Variants in SLC44A3 observed in about 807,000 individuals in gnomAD.
SLC44A3 encodes the protein choline transporter-like protein 3.
In SLC44A3, 74 loss-of-function variants were observed where a neutral mutation model predicts 75.4. The ratio of observed to expected loss-of-function variants is 0.98; its 90% CI spans 0.81 to 1.19. The LOEUF (loss-of-function observed/expected upper bound fraction) is 1.19, where lower values mean the gene tolerates loss of function less well. Among genes scored for constraint, SLC44A3 ranks in the 50% most tolerant of loss-of-function variants. SLC44A3 has a pLI of 0.00. For missense variants in SLC44A3, 700 were observed against 778.6 expected, an observed-to-expected ratio of 0.90 and a Z score of 1.20; for synonymous variants, 310 against 296.9, an observed-to-expected ratio of 1.04 and a Z score of -0.45.
chr1:94,826,843 C>T (rs1661419179), intron 3 of SLC44A3, among the ~76,000 whole-genome samples: 3 of 152,112 alleles, frequency 2.0e-5, no homozygotes, highest in Non-Finnish European at 2.9e-5. Flanking sequence ...GGGCAGCCTA[C>T]GGGGTCTTCC....
At chr1:94,824,387 G>C (rs1012857859) in intron 2 of SLC44A3, 106 bp from the exon 3 acceptor site, 4 of 1,360,854 alleles carry the variant, frequency 2.9e-6, no homozygotes, top group East Asian at 5.0e-5. Flanking sequence ...ATGCTGGAGA[G>C]CTTCACGTTC....
Position 94,878,227 on chromosome 1 carries a change from C to T in SLC44A3, c.1482+10810C>T, listed in dbSNP as rs576373301. 4.6e-5 allele frequency among the ~76,000 whole-genome samples: 7 copies of T among 151,514 alleles called. No homozygotes were observed. In the East Asian group the frequency reaches 9.8e-4, roughly 21 times the overall value. ...TCCAACCTGGGCGACAGCGAGACTC[C>T]GTCTCACAAAAAAACCAAAACAAAC... is the stretch of plus-strand genomic sequence containing the variant. On this transcript the variant is annotated intron_variant, in intron 12 of 14. Transcript: ENST00000271227.
chr1:94,845,254 T>C (rs1263744120), intron 8 of SLC44A3, 24 bp from the exon 9 acceptor site: 2 of 1,567,850 alleles, frequency 1.3e-6, no homozygotes, highest in African/African-American at 2.7e-5. Context: ...TGGAAGTAAT[T>C]TACTCAAATC....
Position 94,858,817 on chromosome 1 carries a change from G to A in SLC44A3, c.1238+1317G>A, listed in dbSNP as rs1277383169. Among the ~76,000 whole-genome samples, 5 of 152,108 alleles carry A rather than the reference G, an allele frequency of 3.3e-5. No individual in the cohort carries two copies. The South Asian group carries it at 8.3e-4, about 25-fold the overall frequency. On this transcript the variant is annotated intron_variant, in intron 10 of 14. Transcript: ENST00000271227. Reference sequence around the variant, plus strand: ...AGTGATTCTCCTGCCTCAGTCTCCCGAGTAGCTGGGACTACAGGCGCCCAC... The same window carrying A: ...AGTGATTCTCCTGCCTCAGTCTCCCAAGTAGCTGGGACTACAGGCGCCCAC...
At chr1:94,860,227 A>C (rs1666412973) in intron 10 of SLC44A3, among the ~76,000 whole-genome samples, 1 of 152,232 alleles carries the variant, frequency 6.6e-6, no homozygotes, top group Admixed American at 6.5e-5. Flanking sequence ...CACCAACAAA[A>C]GAAGGGCATA....
chr1:94,824,388 C>A, intron 2 of SLC44A3, 105 bp from the exon 3 acceptor site: 1 of 1,365,942 alleles, frequency 7.3e-7, no homozygotes, highest in Non-Finnish European at 9.7e-7. Flanking sequence ...TGCTGGAGAG[C>A]TTCACGTTCC....
At chr1:94,861,434 T>A (rs1371974222) in intron 10 of SLC44A3, among the ~76,000 whole-genome samples, 1 of 152,180 alleles carries the variant, frequency 6.6e-6, no homozygotes, top group African/African-American at 2.4e-5. Flanking sequence ...GAATTATGAA[T>A]GGGGGAAGAA....
intron 5 of SLC44A3, among the ~76,000 whole-genome samples, chr1:94,830,626 T>A (rs1557806863): frequency 6.6e-6 from 1 of 151,500 alleles, no homozygotes; most frequent in Non-Finnish European, 1.5e-5. Flanking sequence ...GAACCCAATT[T>A]AAAAAAAAAC....
At chr1:94,842,680 T>C (rs1021831079) in intron 8 of SLC44A3, among the ~76,000 whole-genome samples, 2 of 152,208 alleles carry the variant, frequency 1.3e-5, no homozygotes, top group African/African-American at 4.8e-5. Context: ...TTCAGGACCC[T>C]CTCCAGGGGC....
In SLC44A3 at chr1:94,832,360, A is replaced by T. The variant is rs1662240817; in HGVS notation, c.509+3774A>T. On this transcript the variant is annotated intron_variant, in intron 5 of 14. Transcript: ENST00000271227. Reference sequence around the variant, plus strand: ...ACATTCTGAAGTGTATTAAGTTAAAAAAAAAACAAATAATAGAACAGTGTG... The same window carrying T: ...ACATTCTGAAGTGTATTAAGTTAAATAAAAAACAAATAATAGAACAGTGTG... Among the ~76,000 whole-genome samples, 3 of 152,194 alleles carry T rather than the reference A, an allele frequency of 2.0e-5. 1 individual carries two copies. The South Asian group carries it at 6.2e-4, about 32-fold the overall frequency.
chr1:94,839,014 G>A (rs1410865008), intron 6 of SLC44A3: 1 of 152,224 alleles, frequency 6.6e-6, no homozygotes. Context: ...GGCTTAGAGA[G>A]GTTTAGGACT....
intron 12 of SLC44A3, among the ~76,000 whole-genome samples, chr1:94,874,817 G>A (rs1318180051): frequency 6.6e-6 from 1 of 152,160 alleles, no homozygotes; most frequent in Non-Finnish European, 1.5e-5. Context: ...ACCTGACCTA[G>A]GTTAGACAGG....
intron 12 of SLC44A3, among the ~76,000 whole-genome samples, chr1:94,884,074 A>G (rs913842739): frequency 1.3e-5 from 2 of 152,156 alleles, no homozygotes; most frequent in Admixed American, 6.5e-5. Flanking sequence ...AAGCCATTCT[A>G]AAAATTAAGC....
chr1:94,883,110 A>T (rs1315059127), intron 12 of SLC44A3, among the ~76,000 whole-genome samples: 1 of 151,446 alleles, frequency 6.6e-6, no homozygotes, highest in Non-Finnish European at 1.5e-5. Flanking sequence ...TGAGTGGAGG[A>T]ACCGCAAGGG....
Position 94,867,428 on chromosome 1 carries a change from A to C in SLC44A3, c.1482+11A>C, listed in dbSNP as rs746946999. 1.3e-6 allele frequency: 2 copies of C among 1,595,732 alleles called. No homozygotes were observed. The highest frequency in any genetic ancestry group is 4.5e-5 in the East Asian group (2 of 44,092). ...CTCCATCTCAACCAGGTACGTCTCT[A>C]CCTCTTGCCTCAGGAACACACAGAA... On this transcript the variant is annotated intron_variant, in intron 12 of 14. Transcript: ENST00000271227.
intron 9 of SLC44A3, among the ~76,000 whole-genome samples, chr1:94,850,388 G>C (rs557608314): frequency 6.6e-6 from 1 of 152,294 alleles, no homozygotes; most frequent in East Asian, 1.9e-4. Context: ...GTCACCTCCA[G>C]TGTTCATTAA....
At chr1:94,841,374 G>T (rs1663619109) in intron 7 of SLC44A3, among the ~76,000 whole-genome samples, 1 of 152,162 alleles carries the variant, frequency 6.6e-6, no homozygotes, top group Non-Finnish European at 1.5e-5. Flanking sequence ...GCAACTTAGA[G>T]CCCTGTAGCC....
At chr1:94,829,764 T>C (rs1004956154) in intron 5 of SLC44A3, among the ~76,000 whole-genome samples, 4 of 152,212 alleles carry the variant, frequency 2.6e-5, no homozygotes, top group Admixed American at 2.6e-4. Flanking sequence ...TGAGAAATAA[T>C]GATTATTTAA....
intron 10 of SLC44A3, among the ~76,000 whole-genome samples, chr1:94,863,190 C>A (rs1349078053): frequency 6.6e-6 from 1 of 152,076 alleles, no homozygotes; most frequent in African/African-American, 2.4e-5. Context: ...ACGTGATAAC[C>A]CAGCTTCTGG....
Sources: gnomAD v4.1 joint callset for allele counts (sites outside exome capture counted in the v4.1 genomes callset) on GRCh38, gnomAD v4.1.1 for gene constraint, MANE v1.5 for transcripts, NCBI Gene and HGNC (gene_info 2026-07-23, HGNC 2026-07-21) for gene names.